Variants in TIGD3 observed in about 807,000 individuals in gnomAD.
TIGD3 encodes tigger transposable element-derived protein 3.
TIGD3 carries 7 observed loss-of-function variants against 14.8 expected under a neutral mutation model. The observed-to-expected ratio is 0.47, with a 90% CI of 0.27 to 0.89. The LOEUF (loss-of-function observed/expected upper bound fraction) is 0.89. TIGD3 is among the 40% of genes least tolerant of loss of function. TIGD3 has a pLI of 0.13. For missense variants in TIGD3, 581 were observed against 611.0 expected, an observed-to-expected ratio of 0.95 and a Z score of 0.52; for synonymous variants, 243 against 269.4, an observed-to-expected ratio of 0.90 and a Z score of 0.96.
chr11:65,356,340 T>A lies in TIGD3; in HGVS notation c.532T>A (p.Leu178Met). The change falls in exon 2 of 2, where the codon TTG becomes ATG. Residue 178 changes from leucine (L) to methionine (M), a missense_variant. Physicochemically the swap from Leu to Met is conservative, Grantham distance 15 (BLOSUM62 2). Transcript: ENST00000309880. The surrounding 1 kb of genome is among the most constrained non-coding windows in gnomAD (Gnocchi z 5.2). ...AGAGGACGTGTTTGGCTGTGCTGAA[T>A]TGCCCTTGCTGTATCGGGCAGTGCC... is the stretch of plus-strand genomic sequence containing the variant. ...SPEDVFGCAE[L>M]PLLYRAVPGS... The A allele has an allele frequency of 6.2e-7, 1 of 1,612,308 alleles. No homozygotes were observed. Among genetic ancestry groups the A allele is most frequent in the South Asian group, 1.1e-5 (1 of 91,090 alleles).
Position 65,357,290 on chromosome 11 carries a change from A to G in TIGD3, c.*66A>G. 6.9e-7 allele frequency: 1 copy of G among 1,452,262 alleles called. No homozygotes were observed. Among genetic ancestry groups the G allele is most frequent in the Non-Finnish European group, 9.5e-7 (1 of 1,052,464 alleles). 90.0% of individuals were successfully genotyped at this position (1,452,262 alleles called of 1,614,324 possible). A position where few individuals can be genotyped will look rare whatever the true frequency, so the allele number is the denominator to read the frequency against. ...TTCCCATGGAAACGGCCTCTTCAGA[A>G]GGCAGATCGGGCTGTCTCTTTCCTG... On this transcript the variant is annotated 3_prime_UTR_variant, in exon 2 of 2. Coordinates refer to ENST00000309880, the MANE Select transcript of TIGD3 (RefSeq NM_145719.3).
At chr11:65,355,547 C>T (rs1854837123) in intron 1 of TIGD3, among the ~76,000 whole-genome samples, 1 of 151,718 alleles carries the variant, frequency 6.6e-6, no homozygotes, top group African/African-American at 2.4e-5. Flanking sequence ...CGAGTGAGGC[C>T]AGACCCCAGC....
In TIGD3 at chr11:65,356,670, G is replaced by T. The variant is rs1565550876; in HGVS notation, c.862G>T (p.Ala288Ser). Reference sequence around the variant, plus strand: ...CTACCACGTGAAGCTCTTGCCTCTGGCCGCCTCTAGCACCACGCCTCCCCT... The same window carrying T: ...CTACCACGTGAAGCTCTTGCCTCTGTCCGCCTCTAGCACCACGCCTCCCCT... ...GLYHVKLLPL[A>S]ASSTTPPLPS... Residue 288 changes from alanine to serine, a missense_variant, in exon 2 of 2, where the codon GCC becomes TCC. Physicochemically the swap from Ala to Ser is moderately conservative, Grantham distance 99 (BLOSUM62 1). Transcript: ENST00000309880. The surrounding 1 kb of genome is among the most constrained non-coding windows in gnomAD (Gnocchi z 5.2). 5 of 1,613,064 alleles carry T rather than the reference G, an allele frequency of 3.1e-6. No homozygotes were observed. The highest frequency in any genetic ancestry group is 3.4e-6 in the Non-Finnish European group (4 of 1,179,988).
In TIGD3 at chr11:65,357,086, G is replaced by A. The variant is rs1854868847; in HGVS notation, c.1278G>A (p.Glu426=). ...AGGGGGACAGAGAGGGTGCCTTTGA[G>A]CCCCTGCCCACCAAAGCTGATGCCC... The part of the protein sequence containing the change: ...DEKGDREGAF[E]PLPTKADALR... The change falls in exon 2 of 2, where the codon GAG becomes GAA. Residue 426 remains glutamate, a synonymous_variant. Coordinates refer to ENST00000309880, the MANE Select transcript of TIGD3 (RefSeq NM_145719.3). The A allele has an allele frequency of 2.5e-6, 4 of 1,613,720 alleles. No individual in the cohort carries two copies. In the African/African-American group the frequency reaches 5.3e-5, roughly 22 times the overall value.
rs149604674 is a variant in TIGD3 at position 65,356,031 on chromosome 11, A to C, written c.223A>C (p.Lys75Gln). The C allele has an allele frequency of 6.2e-7, 1 of 1,613,376 alleles. No individual in the cohort carries two copies. Among genetic ancestry groups the C allele is most frequent in the Non-Finnish European group, 8.5e-7 (1 of 1,180,036 alleles). Reference sequence around the variant, plus strand: ...AGAGCGCAAGCGCAAGCGGGAGTCCAAGTACAGCGGGATCGACGAGGCTCT... The same window carrying C: ...AGAGCGCAAGCGCAAGCGGGAGTCCCAGTACAGCGGGATCGACGAGGCTCT... ...NRERKRKRESKYSGIDEALLC... is the reference protein window; with the variant it reads ...NRERKRKRESQYSGIDEALLC... The change falls in exon 2 of 2, where the codon AAG (lysine) becomes CAG (glutamine). Residue 75 changes from lysine (K) to glutamine (Q), a missense_variant. Physicochemically the swap from Lys to Gln is moderately conservative, Grantham distance 53. Coordinates refer to ENST00000309880, the MANE Select transcript of TIGD3 (RefSeq NM_145719.3). The surrounding 1 kb of genome is among the most constrained non-coding windows in gnomAD (Gnocchi z 5.2).
Position 65,356,172 on chromosome 11 carries a change from G to A in TIGD3, c.364G>A (p.Gly122Ser), listed in dbSNP as rs772560955. 3 of 1,611,954 alleles carry A rather than the reference G, an allele frequency of 1.9e-6. No homozygotes were observed. The highest frequency in any genetic ancestry group is 2.7e-5 in the African/African-American group (2 of 74,944). Reference protein sequence around the residue: ...IMGQDFVPSIGWLVRWKRRNN... With the variant: ...IMGQDFVPSISWLVRWKRRNN... ...GGGCCAGGACTTCGTGCCCAGCATC[G>A]GCTGGCTGGTCCGCTGGAAACGCCG... The change falls in exon 2 of 2, where the codon GGC (glycine) becomes AGC (serine). Residue 122 changes from glycine to serine, a missense_variant. By Grantham distance (56) the Gly-to-Ser change is moderately conservative. Coordinates refer to ENST00000309880, the MANE Select transcript of TIGD3 (RefSeq NM_145719.3). The surrounding 1 kb of genome is among the most constrained non-coding windows in gnomAD (Gnocchi z 5.2).
chr11:65,355,682 C>G, intron 1 of TIGD3, 111 bp from the exon 2 acceptor site: 4 of 924,632 alleles, frequency 4.3e-6, no homozygotes, highest in Non-Finnish European at 6.4e-6. Context: ...GGTCCAGTCT[C>G]ACCCGGTGCC....
Position 65,356,082 on chromosome 11 carries a change from G to A in TIGD3, c.274G>A (p.Ala92Thr). ...GCTCTGCTGGTACCACATTGCCCGG[G>A]CCAAGGCCTGGGACGTGACGGGGCC... Reference protein sequence around the residue: ...ALLCWYHIARAKAWDVTGPML... With the variant: ...ALLCWYHIARTKAWDVTGPML... The change falls in exon 2 of 2, where the codon GCC becomes ACC. Residue 92 changes from alanine (A) to threonine (T), a missense_variant. Physicochemically the swap from Ala to Thr is moderately conservative, Grantham distance 58. Transcript: ENST00000309880. This position sits in a 1 kb window ranked among gnomAD's most constrained non-coding sequence, Gnocchi z 5.2. The A allele has an allele frequency of 6.2e-7, 1 of 1,611,708 alleles. No individual in the cohort carries two copies. The highest frequency in any genetic ancestry group is 1.6e-4 in the Middle Eastern group (1 of 6,062).
rs1854874072 is a variant in TIGD3 at position 65,357,408 on chromosome 11, G to C, written c.*184G>C. 1 of 613,572 alleles carries C rather than the reference G, an allele frequency of 1.6e-6. No homozygotes were observed. Among genetic ancestry groups the C allele is most frequent in the African/African-American group, 1.9e-5 (1 of 53,518 alleles). The allele number at this position is 613,572 out of a possible 1,614,324, so 38.0% of individuals were successfully genotyped here. A position where few individuals can be genotyped will look rare whatever the true frequency, so the allele number is the denominator to read the frequency against. On this transcript the variant is annotated 3_prime_UTR_variant, in exon 2 of 2. Transcript: ENST00000309880. The stretch of plus-strand genomic sequence containing the variant: ...GGCAGTCGTCCAAACCCCAGGAAGA[G>C]AGCTCTAAAGATGGGGCTTCGGGGG...
Position 65,356,748 on chromosome 11 carries a change from G to A in TIGD3, c.940G>A (p.Gly314Ser), listed in dbSNP as rs749052219. 49 of 1,613,002 alleles carry A rather than the reference G, an allele frequency of 3.0e-5. No homozygotes were observed. Among genetic ancestry groups the A allele is most frequent in the Admixed American group, 6.7e-5 (4 of 60,010 alleles). The change falls in exon 2 of 2, where the codon GGC becomes AGC. Residue 314 changes from glycine to serine, a missense_variant. By Grantham distance (56) the Gly-to-Ser change is moderately conservative. Coordinates refer to ENST00000309880, the MANE Select transcript of TIGD3 (RefSeq NM_145719.3). This position sits in a 1 kb window ranked among gnomAD's most constrained non-coding sequence, Gnocchi z 5.2. ...FKAHYRHRLL[G>S]KLAAIQSERD... ...GGCCCATTACCGACACCGGCTGTTG[G>A]GCAAACTGGCTGCCATCCAAAGCGA...
Position 65,357,204 on chromosome 11 carries a change from G to A in TIGD3, c.1396G>A (p.Glu466Lys). 1 of 1,614,164 alleles carries A rather than the reference G, an allele frequency of 6.2e-7. No individual in the cohort carries two copies. The highest frequency in any genetic ancestry group is 2.2e-5 in the East Asian group (1 of 44,882). The part of the protein sequence containing the change: ...EKFYDCEEEV[E>K]RLCCL ...ATTCTACGACTGTGAGGAGGAGGTG[G>A]AGCGGCTTTGCTGCCTATGAAGGCG... is the stretch of plus-strand genomic sequence containing the variant. The change falls in exon 2 of 2, where the codon GAG becomes AAG. Residue 466 changes from glutamate to lysine, a missense_variant. Physicochemically the swap from Glu to Lys is moderately conservative, Grantham distance 56. Coordinates refer to ENST00000309880, the MANE Select transcript of TIGD3 (RefSeq NM_145719.3).
At position 65,357,464 on chromosome 11, in the gene TIGD3, C is replaced by T. The variant is rs1854875365; in HGVS notation, c.*240C>T. 5 of 507,164 alleles carry T rather than the reference C, an allele frequency of 9.9e-6. No homozygotes were observed. Among genetic ancestry groups the T allele is most frequent in the Non-Finnish European group, 1.8e-5 (5 of 276,584 alleles). 31.4% of individuals were successfully genotyped at this position (507,164 alleles called of 1,614,324 possible). ...ATCCAGGATGCTTAGTTTCTAGACC[C>T]TGCTTGAAAGTTCTAGAGCCTTTGA... On this transcript the variant is annotated 3_prime_UTR_variant, in exon 2 of 2. Transcript: ENST00000309880.
chr11:65,357,213 T>C lies in TIGD3; in HGVS notation c.1405T>C (p.Cys469Arg). The part of the protein sequence containing the change: ...YDCEEEVERL[C>R]CL The stretch of plus-strand genomic sequence containing the variant: ...CTGTGAGGAGGAGGTGGAGCGGCTT[T>C]GCTGCCTATGAAGGCGCCTTCACTG... Residue 469 changes from cysteine (C) to arginine (R), a missense_variant, in exon 2 of 2, where the codon TGC (cysteine) becomes CGC (arginine). Coordinates refer to ENST00000309880, the MANE Select transcript of TIGD3 (RefSeq NM_145719.3). 1 of 1,614,148 alleles carries C rather than the reference T, an allele frequency of 6.2e-7. No homozygotes were observed. The highest frequency in any genetic ancestry group is 1.3e-5 in the African/African-American group (1 of 75,076).
chr11:65,356,812 T>G lies in TIGD3; in HGVS notation c.1004T>G (p.Ile335Ser), dbSNP rs374034705. ...TCGCTGGCCGAGGCCGGGGCAGGCA[T>G]CACCGTGCTGGACGCCCTGCACGTG... ...GTSLAEAGAGITVLDALHVAS... is the reference protein window; with the variant it reads ...GTSLAEAGAGSTVLDALHVAS... The change falls in exon 2 of 2, where the codon ATC becomes AGC. Residue 335 changes from isoleucine (I) to serine (S), a missense_variant. Transcript: ENST00000309880. The surrounding 1 kb of genome is among the most constrained non-coding windows in gnomAD (Gnocchi z 5.2). The G allele has an allele frequency of 1.2e-6, 2 of 1,612,858 alleles. No individual in the cohort carries two copies. The highest frequency in any genetic ancestry group is 2.7e-5 in the African/African-American group (2 of 74,934).
rs774672971 is a variant in TIGD3 at position 65,356,940 on chromosome 11, TC to T, written c.1133del (p.Ser378LeufsTer10). ...AACGCCCCCGTCCTCGCACAAAACCTCTGAGATGCCACCAGTCCCCGGCGGG... is the reference window on the plus strand; with the variant it reads ...AACGCCCCCGTCCTCGCACAAAACCTTGAGATGCCACCAGTCCCCGGCGGG... ...GKTPPSSHKTSEMPPVPGGLS... is the reference protein window; with the variant it reads ...GKTPPSSHKTXEMPPVPGGLS... On this transcript the variant is annotated frameshift_variant, in exon 2 of 2. Coordinates refer to ENST00000309880, the MANE Select transcript of TIGD3 (RefSeq NM_145719.3). LOFTEE classifies it low-confidence loss of function (END_TRUNC). The surrounding 1 kb of genome is among the most constrained non-coding windows in gnomAD (Gnocchi z 5.2). 6.2e-7 allele frequency: 1 copy of T among 1,613,984 alleles called. No individual in the cohort carries two copies. Among genetic ancestry groups the T allele is most frequent in the African/African-American group, 1.3e-5 (1 of 74,922 alleles).
Position 65,356,948 on chromosome 11 carries a change from G to C in TIGD3, c.1140G>C (p.Met380Ile). 6.2e-7 allele frequency: 1 copy of C among 1,614,150 alleles called. No homozygotes were observed. The highest frequency in any genetic ancestry group is 1.3e-5 in the African/African-American group (1 of 75,070). ...CGTCCTCGCACAAAACCTCTGAGATGCCACCAGTCCCCGGCGGGCTGAGCC... is the reference window on the plus strand; with the variant it reads ...CGTCCTCGCACAAAACCTCTGAGATCCCACCAGTCCCCGGCGGGCTGAGCC... ...TPPSSHKTSE[M>I]PPVPGGLSLE... Residue 380 changes from methionine to isoleucine, a missense_variant, in exon 2 of 2, where the codon ATG becomes ATC. Transcript: ENST00000309880. This position sits in a 1 kb window ranked among gnomAD's most constrained non-coding sequence, Gnocchi z 5.2.
In TIGD3 at chr11:65,356,012, C is replaced by T; in HGVS notation, c.204C>T (p.Arg68=). The change falls in exon 2 of 2, where the codon CGC becomes CGT. Residue 68 remains arginine, a synonymous_variant. Coordinates refer to ENST00000309880, the MANE Select transcript of TIGD3 (RefSeq NM_145719.3). The surrounding 1 kb of genome is among the most constrained non-coding windows in gnomAD (Gnocchi z 5.2). The part of the protein sequence containing the change: ...DWCSGTANRE[R]KRKRESKYSG... ...GCAGCGGCACAGCCAACCGAGAGCG[C>T]AAGCGCAAGCGGGAGTCCAAGTACA... 6.2e-7 allele frequency: 1 copy of T among 1,613,668 alleles called. No individual in the cohort carries two copies. Among genetic ancestry groups the T allele is most frequent in the Non-Finnish European group, 8.5e-7 (1 of 1,180,038 alleles).
Position 65,356,628 on chromosome 11 carries a change from G to T in TIGD3, c.820G>T (p.Ala274Ser). The T allele has an allele frequency of 6.2e-7, 1 of 1,612,216 alleles. No individual in the cohort carries two copies. The change falls in exon 2 of 2, where the codon GCA becomes TCA. Residue 274 changes from alanine (A) to serine (S), a missense_variant. Ala to Ser is a moderately conservative substitution (Grantham distance 99). Transcript: ENST00000309880. This position sits in a 1 kb window ranked among gnomAD's most constrained non-coding sequence, Gnocchi z 5.2. Reference protein sequence around the residue: ...LLAARVVEELAGLPGLYHVKL... With the variant: ...LLAARVVEELSGLPGLYHVKL... ...GGCTGCCCGAGTGGTGGAGGAGCTG[G>T]CAGGCCTGCCTGGGCTCTACCACGT...
rs575636518 is a variant in TIGD3, at chr11:65,355,708, CT to C, written c.-16-84del. On this transcript the variant is annotated intron_variant, in intron 1 of 1. Transcript: ENST00000309880. ...ACCCGGTGCCTGCGCAAGTCCTCATCTAATCTCTTTTCCCTCCTGCGCTCCT... is the reference window on the plus strand; with the variant it reads ...ACCCGGTGCCTGCGCAAGTCCTCATCAATCTCTTTTCCCTCCTGCGCTCCT... 4,919 of 1,181,204 alleles carry C rather than the reference CT, an allele frequency of 4.2e-3. 21 individuals are homozygous for C. The highest frequency in any genetic ancestry group is 5.4e-3 in the Non-Finnish European group (4,575 of 847,302). The allele number at this position is 1,181,204 out of a possible 1,614,324, so 73.2% of individuals were successfully genotyped here. A position where few individuals can be genotyped will look rare whatever the true frequency, so the allele number is the denominator to read the frequency against.
Sources: gnomAD v4.1 joint callset for allele counts (sites outside exome capture counted in the v4.1 genomes callset) on GRCh38, gnomAD v4.1.1 for gene constraint, Gnocchi (gnomAD v3.1) non-coding constraint, MANE v1.5 for transcripts, NCBI Gene and HGNC (gene_info 2026-07-23, HGNC 2026-07-21) for gene names.